ADAMTSL1: variants seen among roughly 807,000 people sequenced by gnomAD.
ADAMTSL1 encodes the protein ADAMTS-like protein 1.
A neutral mutation model predicts 201.8 loss-of-function variants in ADAMTSL1; 126 were observed. The observed-to-expected ratio is 0.62, with a 90% CI of 0.54 to 0.72. ADAMTSL1 has a LOEUF of 0.72. Among genes scored for constraint, ADAMTSL1 ranks in the 30% least tolerant of loss-of-function variants. The probability of loss-of-function intolerance (pLI) is 0.00; values close to 1 mark genes in which losing one functional copy is unlikely to be tolerated. For synonymous variants in ADAMTSL1, 1,121 were observed against 903.4 expected (o/e 1.24, Z -4.32); for missense variants, 2,679 against 2,277.8 (o/e 1.18, Z -3.59).
chr9:18,726,163 A>C (rs1416754427), intron 15 of ADAMTSL1, among the ~76,000 whole-genome samples: 1 of 152,222 alleles, frequency 6.6e-6, no homozygotes, highest in Non-Finnish European at 1.5e-5. Context: ...TTAAAAATTC[A>C]GGACTTAAAT....
Position 18,815,711 on chromosome 9 carries a change from C to CAAAAAAA in ADAMTSL1, c.3806-1380_3806-1374dup, listed in dbSNP as rs35926602. 1.3e-4 allele frequency among the ~76,000 whole-genome samples: 9 copies of CAAAAAAA among 67,952 alleles called. No individual in the cohort carries two copies. The East Asian group carries it at 1.4e-3, about 11-fold the overall frequency. The allele number at this position is 67,952 out of a possible 152,430, so 44.6% of individuals were successfully genotyped here. On this transcript the variant is annotated intron_variant, in intron 20 of 28. Transcript: ENST00000380548. ...TGCCAAAGCAAGACCAACCCTGTCTCAAAAAAAAAAAAAAAAAAAAAAAAG... is the reference window on the plus strand; with the variant it reads ...TGCCAAAGCAAGACCAACCCTGTCTCAAAAAAAAAAAAAAAAAAAAAAAAAAAAAAAG...
rs776052560 is a variant in ADAMTSL1 at position 18,777,211 on chromosome 9, C to A, written c.2982C>A (p.Thr994=). 1 of 1,612,838 alleles carries A rather than the reference C, an allele frequency of 6.2e-7. No homozygotes were observed. The highest frequency in any genetic ancestry group is 8.5e-7 in the Non-Finnish European group (1 of 1,179,806). Residue 994 remains threonine, a synonymous_variant, in exon 19 of 29, where the codon ACC becomes ACA. Transcript: ENST00000380548. ...GCGGCCCGAAGGAGGCCCTGCAGAC[C>A]CACAAACACCAGAACGGGATCTTCT... ...RKGGPKEALQ[T]HKHQNGIFSN...
intron 1 of ADAMTSL1, among the ~76,000 whole-genome samples, chr9:17,980,830 C>T (rs141547363): frequency 6.6e-6 from 1 of 152,104 alleles, no homozygotes. Flanking sequence ...AAGAAGTAAT[C>T]TTCTTATACA....
intron 4 of ADAMTSL1, among the ~76,000 whole-genome samples, chr9:18,588,122 C>G (rs1051129665): frequency 1.3e-5 from 2 of 152,114 alleles, no homozygotes; most frequent in African/African-American, 4.8e-5. Flanking sequence ...ACTTTGCATC[C>G]TCACCAGCAT....
intron 10 of ADAMTSL1, 126 bp from the exon 11 acceptor site, chr9:18,680,186 T>G: frequency 1.0e-6 from 1 of 979,232 alleles, no homozygotes; most frequent in Non-Finnish European, 1.5e-6. Flanking sequence ...GGCTTTTGGT[T>G]TTCTGGACCT....
At chr9:18,279,571 C>T (rs1450602135) in intron 2 of ADAMTSL1, among the ~76,000 whole-genome samples, 1 of 151,286 alleles carries the variant, frequency 6.6e-6, no homozygotes, top group African/African-American at 2.4e-5. Flanking sequence ...AAACCCTTCA[C>T]CAATCGGGGA....
rs1324504179 is a variant in ADAMTSL1, at chr9:18,313,554, C to G, written c.207+149573C>G. On this transcript the variant is annotated intron_variant, in intron 2 of 29. Coordinates refer to the ADAMTSL1 transcript ENST00000680146. ...CCTGGCATCTGTCTCTTTTTAAAAGCTCTCCAAGAAAAGGATAGTCTTTCC... is the reference window on the plus strand; with the variant it reads ...CCTGGCATCTGTCTCTTTTTAAAAGGTCTCCAAGAAAAGGATAGTCTTTCC... Among the ~76,000 whole-genome samples the G allele has an allele frequency of 2.0e-5, 3 of 152,136 alleles. No individual in the cohort carries two copies. In the South Asian group the frequency reaches 6.2e-4, roughly 32 times the overall value.
chr9:18,377,694 G>A (rs1409501062), intron 2 of ADAMTSL1, among the ~76,000 whole-genome samples: 1 of 152,078 alleles, frequency 6.6e-6, no homozygotes, highest in African/African-American at 2.4e-5. Flanking sequence ...AGCCTCCCAA[G>A]TAGCTGGGAA....
intron 2 of ADAMTSL1, among the ~76,000 whole-genome samples, chr9:18,522,793 C>A (rs557153930): frequency 6.6e-6 from 1 of 152,102 alleles, no homozygotes; most frequent in South Asian, 2.1e-4. Flanking sequence ...TGGCTGCATA[C>A]TATTCCATGG....
At chr9:18,298,848 A>G (rs1014866626) in intron 2 of ADAMTSL1, among the ~76,000 whole-genome samples, 5 of 151,864 alleles carry the variant, frequency 3.3e-5, no homozygotes, top group Admixed American at 1.3e-4. Context: ...CGTCTCTATT[A>G]AAAATACAAA....
intron 7 of ADAMTSL1, among the ~76,000 whole-genome samples, chr9:18,640,981 A>G (rs1448036277): frequency 6.6e-6 from 1 of 151,958 alleles, no homozygotes; most frequent in Admixed American, 6.6e-5. Context: ...GTTAGAAGAC[A>G]AATCCATAGC....
At chr9:18,210,234 T>C (rs905805960) in intron 2 of ADAMTSL1, among the ~76,000 whole-genome samples, 2 of 151,496 alleles carry the variant, frequency 1.3e-5, no homozygotes, top group South Asian at 4.2e-4. Context: ...ATATAAAGTA[T>C]AAATATAAAA....
intron 1 of ADAMTSL1, among the ~76,000 whole-genome samples, chr9:18,134,458 A>C (rs912546974): frequency 6.6e-6 from 1 of 152,218 alleles, no homozygotes; most frequent in Admixed American, 6.5e-5. Flanking sequence ...CTTAGCTACA[A>C]GAAAGAAGCC....
chr9:18,826,385 T>G lies in ADAMTSL1; in HGVS notation c.4036T>G (p.Ser1346Ala), dbSNP rs1390360304. The G allele has an allele frequency of 1.9e-6, 3 of 1,613,660 alleles. No homozygotes were observed. In the Admixed American group the frequency reaches 5.0e-5, roughly 27 times the overall value. Reference sequence around the variant, plus strand: ...CTTGCTGCTCACAAACGTGTCCTCCTCGGATCAGGGCCTGTACTCCTGCAG... The same window carrying G: ...CTTGCTGCTCACAAACGTGTCCTCCGCGGATCAGGGCCTGTACTCCTGCAG... ...GSLLLTNVSS[S>A]DQGLYSCRAA... Residue 1346 changes from serine to alanine, a missense_variant, in exon 22 of 29, where the codon TCG (serine) becomes GCG (alanine). Coordinates refer to ENST00000380548, the MANE Select transcript of ADAMTSL1 (RefSeq NM_001040272.6).
intron 16 of ADAMTSL1, among the ~76,000 whole-genome samples, chr9:18,758,070 A>T (rs1819873454): frequency 6.6e-6 from 1 of 152,172 alleles, no homozygotes; most frequent in East Asian, 1.9e-4. Context: ...GCTTAATAGG[A>T]ATTTGAACAT....
intron 3 of ADAMTSL1, among the ~76,000 whole-genome samples, chr9:18,534,457 A>C (rs1377547550): frequency 3.3e-5 from 5 of 152,206 alleles, no homozygotes; most frequent in Non-Finnish European, 5.9e-5. Flanking sequence ...ACTCTGCAAG[A>C]CTTGAAAAGC....
chr9:18,728,791 G>C (rs953350100), intron 15 of ADAMTSL1, among the ~76,000 whole-genome samples: 4 of 152,210 alleles, frequency 2.6e-5, no homozygotes, highest in African/African-American at 9.7e-5. Context: ...GTGTTAGAGA[G>C]TGGACGGAGG....
At chr9:18,317,298 G>A (rs183377415) in intron 2 of ADAMTSL1, among the ~76,000 whole-genome samples, 1 of 152,024 alleles carries the variant, frequency 6.6e-6, no homozygotes, top group South Asian at 2.1e-4. Flanking sequence ...AAATCAACAA[G>A]TTCTGGGGGT....
intron 1 of ADAMTSL1, 117 bp from the exon 2 acceptor site, chr9:18,504,712 T>G: frequency 7.1e-7 from 1 of 1,416,062 alleles, no homozygotes. Context: ...TGATTGCGCG[T>G]TTTCATTCCT....
Sources: gnomAD v4.1 joint callset for allele counts (sites outside exome capture counted in the v4.1 genomes callset) on GRCh38, gnomAD v4.1.1 for gene constraint, MANE v1.5 for transcripts, NCBI Gene and HGNC (gene_info 2026-07-23, HGNC 2026-07-21) for gene names.